The following EDDM13 variants were observed in gnomAD, a reference collection of about 807,000 sequenced individuals.
The protein encoded by EDDM13 is epididymal protein 13.
Under a neutral mutation model 17.8 loss-of-function variants are expected in EDDM13, and 24 were observed. The observed-to-expected ratio is 1.35, with a 90% CI of 0.98 to 1.90. The LOEUF (loss-of-function observed/expected upper bound fraction) is 1.90. Among genes scored for constraint, EDDM13 ranks in the 40% most tolerant of loss-of-function variants. EDDM13 has a pLI of 0.00. For synonymous variants in EDDM13, 31 were observed against 37.5 expected (o/e 0.83, Z 0.63); for missense variants, 97 against 100.8 (o/e 0.96, Z 0.16).
rs553710760 is a variant in EDDM13, at chr19:56,292,001, C to T, written c.232+1155C>T. On this transcript the variant is annotated intron_variant, in intron 9 of 14. Coordinates refer to ENST00000649256, the MANE Select transcript of EDDM13 (RefSeq NM_001354658.2). ...ACAAGGCAAGTATTATTCATCTGCA[C>T]TTGACTGAGGTATAAAGGTTAGGTA... Among the ~76,000 whole-genome samples, 6 of 152,300 alleles carry T rather than the reference C, an allele frequency of 3.9e-5. No homozygotes were observed. The South Asian group carries it at 8.3e-4, about 21-fold the overall frequency.
At chr19:56,279,018 C>G (rs1006352131) in intron 2 of EDDM13, among the ~76,000 whole-genome samples, 3 of 152,238 alleles carry the variant, frequency 2.0e-5, no homozygotes, top group African/African-American at 7.2e-5. Context: ...CACAGACACA[C>G]CTGGGGCAGC....
intron 2 of EDDM13, among the ~76,000 whole-genome samples, chr19:56,277,512 C>T (rs992802674): frequency 2.0e-5 from 3 of 147,640 alleles, no homozygotes; most frequent in African/African-American, 7.5e-5. Context: ...ACACAATGGA[C>T]ATTAGTGATT....
At chr19:56,282,432 A>C (rs1451221935) in intron 3 of EDDM13, 59 bp from the exon 4 acceptor site, 5 of 958,606 alleles carry the variant, frequency 5.2e-6, no homozygotes, top group Non-Finnish European at 6.2e-6. Context: ...CTTCATTGGC[A>C]ATATGGTTCC....
chr19:56,304,399 G>T (rs1220212742), intron 13 of EDDM13, among the ~76,000 whole-genome samples: 1 of 152,238 alleles, frequency 6.6e-6, no homozygotes, highest in Non-Finnish European at 1.5e-5. Flanking sequence ...GATTGGTTGT[G>T]ACAGCTGGAG....
In EDDM13 at chr19:56,310,249, G is replaced by C. The variant is rs1211701764; in HGVS notation, c.*101G>C. The C allele has an allele frequency of 6.6e-6, 1 of 152,288 alleles. No individual in the cohort carries two copies. Among genetic ancestry groups the C allele is most frequent in the Non-Finnish European group, 1.5e-5 (1 of 68,112 alleles). The allele number at this position is 152,288 out of a possible 1,614,324, so 9.4% of individuals were successfully genotyped here. On this transcript the variant is annotated 3_prime_UTR_variant, in exon 15 of 15. Transcript: ENST00000649256. ...CTGTCCCCTGGACTGCCTGTGTGGA[G>C]GGTAATGAACTGGGTCCTTTAAGGA...
intron 8 of EDDM13, among the ~76,000 whole-genome samples, 121 bp downstream of exon 8, chr19:56,289,012 G>A (rs766691201): frequency 5.3e-5 from 8 of 152,192 alleles, no homozygotes; most frequent in South Asian, 2.1e-4. Context: ...TTAGCCATTC[G>A]CCTGGCATCA....
intron 12 of EDDM13, chr19:56,298,167 G>A (rs1316536950): frequency 6.6e-6 from 1 of 151,904 alleles, no homozygotes; most frequent in Admixed American, 6.6e-5. Context: ...AAAAAATAGA[G>A]GAGAAACAAA....
chr19:56,276,725 C>T (rs1040742403), intron 2 of EDDM13, among the ~76,000 whole-genome samples: 7 of 151,716 alleles, frequency 4.6e-5, no homozygotes, highest in Non-Finnish European at 7.4e-5. Context: ...TCAGTATAGA[C>T]GGGGTTTCAC....
intron 2 of EDDM13, among the ~76,000 whole-genome samples, chr19:56,277,342 T>C (rs1378038361): frequency 6.6e-6 from 1 of 152,212 alleles, no homozygotes; most frequent in Non-Finnish European, 1.5e-5. Context: ...CAATGGAATA[T>C]TATTCACCCA....
intron 12 of EDDM13, among the ~76,000 whole-genome samples, chr19:56,301,259 G>A (rs2040209085): frequency 6.6e-6 from 1 of 152,172 alleles, no homozygotes; most frequent in Admixed American, 6.5e-5. Context: ...CTGAATATAT[G>A]ATAAACAAGG....
intron 2 of EDDM13, among the ~76,000 whole-genome samples, chr19:56,276,532 A>AC (rs2038275771): frequency 1.1e-5 from 1 of 92,710 alleles, no homozygotes; most frequent in Non-Finnish European, 2.7e-5. Context: ...AGTGAGGGTT[A>AC]TTTTTATTTA....
intron 2 of EDDM13, among the ~76,000 whole-genome samples, chr19:56,279,545 A>G (rs2038525077): frequency 6.6e-6 from 1 of 152,206 alleles, no homozygotes; most frequent in Admixed American, 6.5e-5. Flanking sequence ...CATGCAATTT[A>G]ATTTTCAAAA....
At chr19:56,294,382 C>T (rs141417488) in intron 9 of EDDM13, among the ~76,000 whole-genome samples, 16 of 152,318 alleles carry the variant, frequency 1.1e-4, no homozygotes, top group African/African-American at 3.6e-4. Context: ...ATAATGTGGG[C>T]GTAACTTACC....
intron 13 of EDDM13, among the ~76,000 whole-genome samples, chr19:56,302,471 CCCTT>C (rs2040324607): frequency 6.9e-6 from 1 of 145,840 alleles, no homozygotes; most frequent in African/African-American, 2.6e-5. Context: ...CTTCCTCCCT[CCCTT>C]CTTCCTTCCC....
At chr19:56,273,899 A>T (rs2038046589) in intron 1 of EDDM13, among the ~76,000 whole-genome samples, 1 of 152,166 alleles carries the variant, frequency 6.6e-6, no homozygotes, top group Admixed American at 6.5e-5. Flanking sequence ...GTGTGTTTAA[A>T]CAATGTGTCT....
chr19:56,278,667 G>A (rs568320689), intron 2 of EDDM13, among the ~76,000 whole-genome samples: 22 of 152,346 alleles, frequency 1.4e-4, no homozygotes, highest in African/African-American at 3.8e-4. Context: ...GCAGAACCAG[G>A]AGGGCCAGTA....
intron 2 of EDDM13, among the ~76,000 whole-genome samples, chr19:56,277,416 G>A (rs897968663): frequency 6.6e-6 from 1 of 152,066 alleles, no homozygotes; most frequent in Non-Finnish European, 1.5e-5. Context: ...ATTATTCTCA[G>A]TGAAAGATGC....
At chr19:56,278,477 C>T (rs910896950) in intron 2 of EDDM13, among the ~76,000 whole-genome samples, 2 of 152,312 alleles carry the variant, frequency 1.3e-5, no homozygotes, top group African/African-American at 2.4e-5. Flanking sequence ...TCTAATCTCA[C>T]ACAGATAAGG....
At chr19:56,304,200 G>A (rs78004035) in intron 13 of EDDM13, among the ~76,000 whole-genome samples, 3,783 of 152,312 alleles carry the variant, frequency 0.025, 158 homozygotes, top group African/African-American at 0.086. Flanking sequence ...CAGGGGACCT[G>A]GCGGTGCTCA....
Sources: gnomAD v4.1 joint callset for allele counts (sites outside exome capture counted in the v4.1 genomes callset) on GRCh38, gnomAD v4.1.1 for gene constraint, MANE v1.5 for transcripts, NCBI Gene and HGNC (gene_info 2026-07-23, HGNC 2026-07-21) for gene names.